Variants in PRICKLE2 observed in about 807,000 individuals in gnomAD.
PRICKLE2 encodes prickle planar cell polarity protein 2, also known as prickle-like protein 2.
In PRICKLE2, 21 loss-of-function variants were observed where a neutral mutation model predicts 81.4. The ratio of observed to expected loss-of-function variants is 0.26; its 90% confidence interval spans 0.18 to 0.37. The LOEUF is 0.37. PRICKLE2 is among the 10% of genes least tolerant of loss of function. The pLI is 1.00. For synonymous variants in PRICKLE2, 456 were observed against 421.5 expected (o/e 1.08, Z -1.00); for missense variants, 940 against 1,109.0 (o/e 0.85, Z 2.16).
intron 7 of PRICKLE2, among the ~76,000 whole-genome samples, chr3:64,123,534 G>A (rs1261419296): frequency 7.2e-5 from 11 of 152,324 alleles, no homozygotes; most frequent in South Asian, 2.1e-4. Flanking sequence ...TGATGCTTAC[G>A]AATGGAAGGT....
intron 2 of PRICKLE2, among the ~76,000 whole-genome samples, chr3:64,245,157 T>C (rs2079327453): frequency 1.3e-5 from 2 of 152,182 alleles, no homozygotes; most frequent in Non-Finnish European, 2.9e-5. Context: ...TTTTTTCGAT[T>C]TTTCCAAAGC....
intron 2 of PRICKLE2, among the ~76,000 whole-genome samples, chr3:64,246,208 C>T (rs2079349851): frequency 6.6e-6 from 1 of 152,140 alleles, no homozygotes; most frequent in South Asian, 2.1e-4. Context: ...TCCCACTGCA[C>T]TCCAGCCTGG....
At chr3:64,161,741 C>T (rs2077737698) in intron 3 of PRICKLE2, among the ~76,000 whole-genome samples, 1 of 145,476 alleles carries the variant, frequency 6.9e-6, no homozygotes, top group South Asian at 2.2e-4. Context: ...AAAAAGTCTC[C>T]ATGTAAACGT....
In PRICKLE2 at chr3:64,119,716, A is replaced by C. The variant is rs1042816619; in HGVS notation, c.1661-19791T>G. Among the ~76,000 whole-genome samples, 27 of 152,344 alleles carry C rather than the reference A, an allele frequency of 1.8e-4. 1 individual carries two copies. Among genetic ancestry groups the C allele is most frequent in the African/African-American group, 6.5e-4 (27 of 41,576 alleles). On this transcript the variant is annotated intron_variant, in intron 7 of 7. Coordinates refer to ENST00000638394, the MANE Select transcript of PRICKLE2 (RefSeq NM_198859.4). ...CAATCCCATTACCGGGTATATATCC[A>C]AAAGAAAATAAAACATTCTGTCAAA...
At position 64,094,050 on chromosome 3, in the gene PRICKLE2, GACTCT is replaced by G. The variant is rs2076536469; in HGVS notation, c.*4996_*5000del. 1 of 152,580 alleles carries G rather than the reference GACTCT, an allele frequency of 6.6e-6. No homozygotes were observed. Among genetic ancestry groups the G allele is most frequent in the Non-Finnish European group, 1.5e-5 (1 of 68,046 alleles). 9.5% of individuals were successfully genotyped at this position (152,580 alleles called of 1,614,324 possible). ...AGCTTGACACTCAACACAGAACACAGACTCTGGCCTGCCTCACCTTCCCAGGCCCT... is the reference window on the plus strand; with the variant it reads ...AGCTTGACACTCAACACAGAACACAGGGCCTGCCTCACCTTCCCAGGCCCT... On this transcript the variant is annotated 3_prime_UTR_variant, in exon 8 of 8. Coordinates refer to ENST00000638394, the MANE Select transcript of PRICKLE2 (RefSeq NM_198859.4).
intron 2 of PRICKLE2, among the ~76,000 whole-genome samples, chr3:64,168,233 C>A (rs141225363): frequency 6.6e-6 from 1 of 152,166 alleles, no homozygotes; most frequent in East Asian, 1.9e-4. Context: ...CTTTCTTGGC[C>A]GATTTCAGAA....
chr3:64,215,614 C>T (rs1376499983), intron 1 of PRICKLE2, among the ~76,000 whole-genome samples: 2 of 152,026 alleles, frequency 1.3e-5, no homozygotes, highest in African/African-American at 4.8e-5. Flanking sequence ...TATTTTTTTA[C>T]AATAACTGAA....
At position 64,099,041 on chromosome 3, in the gene PRICKLE2, C is replaced by T. The variant is rs768605634; in HGVS notation, c.*10G>A. ...CTCCCATCTTCTCCCATTCCCTGAT[C>T]CCAATCATATTAAGAAATGATACAG... On this transcript the variant is annotated 3_prime_UTR_variant, in exon 8 of 8. Transcript: ENST00000638394. This position sits in a 1 kb window ranked among gnomAD's most constrained non-coding sequence, Gnocchi z 4.3. 3 of 1,614,072 alleles carry T rather than the reference C, an allele frequency of 1.9e-6. No individual in the cohort carries two copies. The South Asian group carries it at 3.3e-5, about 18-fold the overall frequency.
intron 2 of PRICKLE2, among the ~76,000 whole-genome samples, chr3:64,170,402 C>G (rs571730185): frequency 6.6e-6 from 1 of 152,206 alleles, no homozygotes; most frequent in African/African-American, 2.4e-5. Flanking sequence ...TTTTCCACCA[C>G]CCCTGCAGGA....
rs904768785 is a variant in PRICKLE2, at chr3:64,095,766, G to T, written c.*3285C>A. On this transcript the variant is annotated 3_prime_UTR_variant, in exon 8 of 8. Coordinates refer to ENST00000638394, the MANE Select transcript of PRICKLE2 (RefSeq NM_198859.4). Reference sequence around the variant, plus strand: ...TTGCTCGACTGGTTGGGGGTAGAAAGGAAGGAATAAAAAATAAAAGGTGAA... The same window carrying T: ...TTGCTCGACTGGTTGGGGGTAGAAATGAAGGAATAAAAAATAAAAGGTGAA... 5.3e-5 allele frequency: 8 copies of T among 152,122 alleles called. No homozygotes were observed. Among genetic ancestry groups the T allele is most frequent in the African/African-American group, 1.7e-4 (7 of 41,402 alleles). 9.4% of individuals were successfully genotyped at this position (152,122 alleles called of 1,614,324 possible).
In PRICKLE2 at chr3:64,198,856, C is replaced by T. The variant is rs888655219; in HGVS notation, c.72G>A (p.Ser24=). The T allele has an allele frequency of 2.2e-5, 35 of 1,614,144 alleles. No individual in the cohort carries two copies. The highest frequency in any genetic ancestry group is 3.3e-5 in the South Asian group (3 of 91,080). The change falls in exon 2 of 8, where the codon TCG becomes TCA. Residue 24 remains serine (S), a synonymous_variant. Transcript: ENST00000638394. Reference sequence around the variant, plus strand: ...CACAGCCTGAGTCATCATCTGAGGTCGAGTTCCTCTGAAAGTCAAACATGA... The same window carrying T: ...CACAGCCTGAGTCATCATCTGAGGTTGAGTTCCTCTGAAAGTCAAACATGA... ...SKLMFDFQRN[S]TSDDDSGCAL...
chr3:64,124,004 G>A (rs2077069499), intron 7 of PRICKLE2, among the ~76,000 whole-genome samples: 1 of 152,166 alleles, frequency 6.6e-6, no homozygotes, highest in African/African-American at 2.4e-5. Flanking sequence ...AGTCAAGACA[G>A]GCCAAAAGCT....
intron 1 of PRICKLE2, among the ~76,000 whole-genome samples, chr3:64,223,180 A>T (rs1244898411): frequency 6.6e-6 from 1 of 152,236 alleles, no homozygotes; most frequent in African/African-American, 2.4e-5. Context: ...ACTTATAATG[A>T]TAATGACAAA....
intron 2 of PRICKLE2, among the ~76,000 whole-genome samples, chr3:64,183,165 T>C: frequency 6.6e-6 from 1 of 152,118 alleles, no homozygotes; most frequent in African/African-American, 2.4e-5. Flanking sequence ...TAGTATGCAA[T>C]GTTAGTATTA....
At chr3:64,238,808 A>G (rs1423848981) in intron 2 of PRICKLE2, among the ~76,000 whole-genome samples, 1 of 152,214 alleles carries the variant, frequency 6.6e-6, no homozygotes, top group African/African-American at 2.4e-5. Context: ...TGCCAAACAT[A>G]CAGCAGGTGC....
At chr3:64,203,156 C>G (rs761681907) in intron 1 of PRICKLE2, among the ~76,000 whole-genome samples, 2 of 152,138 alleles carry the variant, frequency 1.3e-5, no homozygotes, top group Admixed American at 6.5e-5. Flanking sequence ...TGCTTCTCAT[C>G]AAATCAGAAA....
intron 1 of PRICKLE2, among the ~76,000 whole-genome samples, chr3:64,202,185 T>C (rs1341582889): frequency 6.6e-6 from 1 of 152,232 alleles, no homozygotes; most frequent in Non-Finnish European, 1.5e-5. Flanking sequence ...CAAGCAATTT[T>C]TGTTCTTCTC....
At chr3:64,146,545 C>A (rs2077455758) in intron 7 of PRICKLE2, 1 of 364,342 alleles carries the variant, frequency 2.7e-6, no homozygotes, top group South Asian at 2.7e-5. Flanking sequence ...AGATCGAGAA[C>A]ATCCCGGCTA....
chr3:64,144,555 C>T (rs2077412861), intron 7 of PRICKLE2, among the ~76,000 whole-genome samples: 1 of 152,254 alleles, frequency 6.6e-6, no homozygotes, highest in Non-Finnish European at 1.5e-5. Context: ...AGTCTCTATC[C>T]AGACACCATC....
Sources: gnomAD v4.1 joint callset for allele counts (sites outside exome capture counted in the v4.1 genomes callset) on GRCh38, gnomAD v4.1.1 for gene constraint, Gnocchi (gnomAD v3.1) non-coding constraint, MANE v1.5 for transcripts, NCBI Gene and HGNC (gene_info 2026-07-23, HGNC 2026-07-21) for gene names.